FANCL: variants seen among roughly 807,000 people sequenced by gnomAD.
FANCL encodes the protein FA complementation group L.
A neutral mutation model predicts 59.4 loss-of-function variants in FANCL; 69 were observed. The observed-to-expected ratio is 1.16, with a 90% CI of 0.96 to 1.42. The LOEUF (loss-of-function observed/expected upper bound fraction) is 1.42, where lower values mean the gene tolerates loss of function less well. Among genes scored for constraint, FANCL ranks in the 40% most tolerant of loss-of-function variants. The pLI, the probability that FANCL is intolerant of heterozygous loss-of-function variation, is 0.00. For missense variants in FANCL, 519 were observed against 447.2 expected (o/e 1.16, Z -1.45); for synonymous variants, 180 against 147.1 (o/e 1.22, Z -1.62).
rs186306543 is a variant in FANCL at position 58,201,047 on chromosome 2, A to G, written c.472-2385T>C. Among the ~76,000 whole-genome samples the G allele has an allele frequency of 5.8e-3, 868 of 150,716 alleles. 8 individuals are homozygous for G. The highest frequency in any genetic ancestry group is 0.02 in the African/African-American group (815 of 41,172). On this transcript the variant is annotated intron_variant, in intron 6 of 13. Coordinates refer to ENST00000233741, the MANE Select transcript of FANCL (RefSeq NM_018062.4). The stretch of plus-strand genomic sequence containing the variant: ...TGTAAGTCTGGATGATTTATCATAA[A>G]TATTAAAATATAAACTAGCATACTA...
intron 7 of FANCL, among the ~76,000 whole-genome samples, chr2:58,169,798 A>G (rs922473903): frequency 4.6e-5 from 7 of 152,054 alleles, no homozygotes; most frequent in Non-Finnish European, 8.8e-5. Context: ...GGAAGAAAGG[A>G]TATCAGAGAT....
intron 7 of FANCL, among the ~76,000 whole-genome samples, chr2:58,195,176 A>C (rs1689308031): frequency 6.6e-6 from 1 of 152,160 alleles, no homozygotes; most frequent in South Asian, 2.1e-4. Flanking sequence ...CAATTAAAAA[A>C]GATTACACAT....
At chr2:58,205,821 G>C (rs1014144567) in intron 5 of FANCL, among the ~76,000 whole-genome samples, 1 of 151,904 alleles carries the variant, frequency 6.6e-6, no homozygotes, top group East Asian at 1.9e-4. Context: ...GAAATTATGG[G>C]AATTTTTAAG....
chr2:58,229,941 C>A (rs917751143), intron 2 of FANCL, 67 bp from the exon 3 acceptor site: 9 of 1,055,746 alleles, frequency 8.5e-6, no homozygotes, highest in Non-Finnish European at 1.3e-5. Flanking sequence ...TGTATGCTAA[C>A]ACAAACATGC....
chr2:58,213,027 T>C lies in FANCL; in HGVS notation c.375-8801A>G, dbSNP rs576132993. Among the ~76,000 whole-genome samples the C allele has an allele frequency of 1.1e-4, 16 of 152,338 alleles. No homozygotes were observed. In the South Asian group the frequency reaches 3.3e-3, roughly 32 times the overall value. On this transcript the variant is annotated intron_variant, in intron 5 of 13. Coordinates refer to ENST00000233741, the MANE Select transcript of FANCL (RefSeq NM_018062.4). Reference sequence around the variant, plus strand: ...TAGAGTTGATTAGAAATACCAAATATGTAATTTAAAAACACAGCAAGGCCA... The same window carrying C: ...TAGAGTTGATTAGAAATACCAAATACGTAATTTAAAAACACAGCAAGGCCA...
chr2:58,186,025 T>G (rs991108909), intron 7 of FANCL, among the ~76,000 whole-genome samples: 9 of 152,162 alleles, frequency 5.9e-5, no homozygotes, highest in African/African-American at 2.2e-4. Context: ...CTGTTAGTTA[T>G]ACAGTAGTCA....
At chr2:58,220,478 G>C (rs991849429) in intron 5 of FANCL, among the ~76,000 whole-genome samples, 1 of 152,116 alleles carries the variant, frequency 6.6e-6, no homozygotes, top group African/African-American at 2.4e-5. Context: ...AGAAGGCAAA[G>C]GCAACGAAAA....
intron 6 of FANCL, among the ~76,000 whole-genome samples, chr2:58,203,328 T>C (rs1214218496): frequency 6.6e-6 from 1 of 151,886 alleles, no homozygotes; most frequent in Non-Finnish European, 1.5e-5. Flanking sequence ...AGACACATTT[T>C]TAAAAAGGAC....
rs1690337072 is a variant in FANCL, at chr2:58,204,176, T to C, written c.425A>G (p.Asp142Gly). 1.2e-6 allele frequency: 2 copies of C among 1,613,368 alleles called. No individual in the cohort carries two copies. The highest frequency in any genetic ancestry group is 1.1e-5 in the South Asian group (1 of 91,062). ...CFSTIKLKAE[D>G]ASGREHLITL... is the part of the protein sequence containing the mutation. ...GATTAAATGCTCTCTACCAGAAGCA[T>C]CTTCTGCTTTTAACTTGATGGTACT... The change falls in exon 6 of 14, where the codon GAT becomes GGT. Residue 142 changes from aspartate to glycine, a missense_variant. Physicochemically the swap from Asp to Gly is moderately conservative, Grantham distance 94. Transcript: ENST00000233741.
At chr2:58,159,976 T>G (rs1035014893) in intron 13 of FANCL, 132 bp downstream of exon 13, 24 of 1,530,814 alleles carry the variant, frequency 1.6e-5, no homozygotes, top group East Asian at 2.4e-5. Flanking sequence ...ATCAGAGAAT[T>G]TGAAAAATAG....
chr2:58,223,450 T>A (rs1410755655), intron 4 of FANCL, among the ~76,000 whole-genome samples: 1 of 151,962 alleles, frequency 6.6e-6, no homozygotes, highest in Non-Finnish European at 1.5e-5. Context: ...AAATTGAAGG[T>A]AAAAATAAAC....
intron 10 of FANCL, 40 bp downstream of exon 10, chr2:58,162,989 A>T (rs1267686535): frequency 2.3e-5 from 37 of 1,612,398 alleles, no homozygotes; most frequent in Non-Finnish European, 3.1e-5. Context: ...AACTTTGTAA[A>T]ATCACCAAAA....
intron 7 of FANCL, among the ~76,000 whole-genome samples, chr2:58,178,132 C>A (rs1687549337): frequency 6.6e-6 from 1 of 152,128 alleles, no homozygotes; most frequent in Non-Finnish European, 1.5e-5. Context: ...CAGAACCACA[C>A]AGATTCACAG....
At chr2:58,173,696 A>C (rs550730823) in intron 7 of FANCL, among the ~76,000 whole-genome samples, 1 of 152,320 alleles carries the variant, frequency 6.6e-6, no homozygotes, top group East Asian at 1.9e-4. Context: ...CAAATTGTAA[A>C]GACCATCGAG....
At position 58,241,310 on chromosome 2, in the gene FANCL, C is replaced by A. The variant is rs144057264; in HGVS notation, c.4G>T (p.Ala2Ser). The A allele has an allele frequency of 8.7e-5, 140 of 1,614,020 alleles. No homozygotes were observed. Among genetic ancestry groups the A allele is most frequent in the Non-Finnish European group, 9.9e-5 (117 of 1,180,024 alleles). The stretch of plus-strand genomic sequence containing the variant: ...CGCAACAGGCTCGCTTCCGTCACCG[C>A]CATGGCTCGAAGTCCGGAGAAACAC... M[A>S]VTEASLLRQC... Residue 2 changes from alanine to serine, a missense_variant, in exon 1 of 14, where the codon GCG becomes TCG. Physicochemically the swap from Ala to Ser is moderately conservative, Grantham distance 99 (BLOSUM62 1). Coordinates refer to ENST00000233741, the MANE Select transcript of FANCL (RefSeq NM_018062.4).
At chr2:58,182,172 C>T (rs1359810637) in intron 7 of FANCL, among the ~76,000 whole-genome samples, 1 of 151,826 alleles carries the variant, frequency 6.6e-6, no homozygotes, top group Non-Finnish European at 1.5e-5. Context: ...GAAATATTAT[C>T]AGTAACTGTA....
intron 7 of FANCL, among the ~76,000 whole-genome samples, chr2:58,173,661 G>A (rs540410593): frequency 7.8e-4 from 118 of 152,144 alleles, no homozygotes; most frequent in African/African-American, 2.4e-3. Flanking sequence ...AGGAACAACC[G>A]GTACCAGCCG....
At chr2:58,176,653 G>C (rs549271716) in intron 7 of FANCL, among the ~76,000 whole-genome samples, 19 of 152,142 alleles carry the variant, frequency 1.2e-4, no homozygotes, top group Admixed American at 5.2e-4. Context: ...AGACTTAAAC[G>C]TTAGACCTAA....
chr2:58,234,169 G>C (rs963750538), intron 1 of FANCL, among the ~76,000 whole-genome samples: 2 of 151,924 alleles, frequency 1.3e-5, no homozygotes, highest in Admixed American at 6.6e-5. Context: ...CAAGATTTCA[G>C]GTGATAACAG....
Sources: allele counts gnomAD v4.1 joint callset (sites outside exome capture counted in the v4.1 genomes callset), GRCh38; gene constraint gnomAD v4.1.1; transcripts MANE v1.5; gene names NCBI Gene and HGNC (gene_info 2026-07-23, HGNC 2026-07-21).